The following FLRT2 variants were observed in gnomAD, a reference collection of about 807,000 sequenced individuals.
FLRT2 encodes the protein leucine-rich repeat transmembrane protein FLRT2.
FLRT2 carries 15 observed loss-of-function variants against 40.0 expected under a neutral mutation model. The ratio of observed to expected loss-of-function variants is 0.38; its 90% CI spans 0.25 to 0.58. FLRT2 has a LOEUF of 0.58. Ranked by LOEUF, FLRT2 falls within the 20% of genes least tolerant of loss-of-function variation. The pLI, the probability that FLRT2 is intolerant of heterozygous loss-of-function variation, is 0.71. For synonymous variants in FLRT2, 380 were observed against 336.8 expected (o/e 1.13, Z -1.41); for missense variants, 726 against 840.0 (o/e 0.86, Z 1.68).
At position 85,622,165 on chromosome 14, in the gene FLRT2, C is replaced by G; in HGVS notation, c.651C>G (p.Thr217=). 6.2e-7 allele frequency: 1 copy of G among 1,614,142 alleles called. No homozygotes were observed. Among genetic ancestry groups the G allele is most frequent in the East Asian group, 2.2e-5 (1 of 44,866 alleles). Residue 217 remains threonine, a synonymous_variant, in exon 2 of 2, where the codon ACC becomes ACG. Coordinates refer to ENST00000330753, the MANE Select transcript of FLRT2 (RefSeq NM_013231.6). The part of the protein sequence containing the change: ...ERLIVDGNLL[T]NKGIAEGTFS... ...TTATTGTGGACGGGAACCTCCTGAC[C>G]AACAAGGGTATCGCCGAGGGCACCT...
chr14:85,548,213 C>T (rs936670406), intron 1 of FLRT2, among the ~76,000 whole-genome samples: 3 of 152,180 alleles, frequency 2.0e-5, no homozygotes, highest in Non-Finnish European at 4.4e-5. Flanking sequence ...CTCTGTCTAC[C>T]TCATGTATGC....
Position 85,644,720 on chromosome 14 carries a change from C to T in FLRT2, c.*21223C>T, listed in dbSNP as rs1237412098. 6.6e-6 allele frequency: 1 copy of T among 152,168 alleles called. No individual in the cohort carries two copies. The highest frequency in any genetic ancestry group is 1.5e-5 in the Non-Finnish European group (1 of 68,042). 9.4% of individuals were successfully genotyped at this position (152,168 alleles called of 1,614,324 possible). A position where few individuals can be genotyped will look rare whatever the true frequency, so the allele number is the denominator to read the frequency against. ...CTGCTTCGATACTTTGGATTCAATA[C>T]TTAGTAATCCCTAAAGCTGTGAATT... On this transcript the variant is annotated 3_prime_UTR_variant, in exon 2 of 2. Coordinates refer to ENST00000330753, the MANE Select transcript of FLRT2 (RefSeq NM_013231.6).
rs1367043618 is a variant in FLRT2 at position 85,633,449 on chromosome 14, A to C, written c.*9952A>C. 6.6e-6 allele frequency: 1 copy of C among 152,128 alleles called. No individual in the cohort carries two copies. Among genetic ancestry groups the C allele is most frequent in the African/African-American group, 2.4e-5 (1 of 41,422 alleles). 9.4% of individuals were successfully genotyped at this position (152,128 alleles called of 1,614,324 possible). A position where few individuals can be genotyped will look rare whatever the true frequency, so the allele number is the denominator to read the frequency against. ...AATTAATTCAGAATATGTGGGTGTC[A>C]AAAGAGCCCCAGGAATGAGCATTCA... On this transcript the variant is annotated 3_prime_UTR_variant, in exon 2 of 2. Transcript: ENST00000330753.
intron 1 of FLRT2, among the ~76,000 whole-genome samples, chr14:85,613,296 TGACCC>T (rs1892978764): frequency 6.6e-6 from 1 of 152,160 alleles, no homozygotes; most frequent in Non-Finnish European, 1.5e-5. Context: ...TGTTTCTGAG[TGACCC>T]TATTTCTGCA....
chr14:85,581,903 A>G (rs1193683431), intron 1 of FLRT2, among the ~76,000 whole-genome samples: 2 of 152,182 alleles, frequency 1.3e-5, no homozygotes, highest in Non-Finnish European at 2.9e-5. Flanking sequence ...ATGTGATTCT[A>G]TGTCATTTCA....
intron 1 of FLRT2, among the ~76,000 whole-genome samples, chr14:85,599,630 A>T (rs1311337903): frequency 6.6e-6 from 1 of 152,234 alleles, no homozygotes; most frequent in African/African-American, 2.4e-5. Context: ...AACAAACTTA[A>T]GTTGTACCTT....
chr14:85,559,036 G>T (rs1025966064), intron 1 of FLRT2, among the ~76,000 whole-genome samples: 1 of 152,180 alleles, frequency 6.6e-6, no homozygotes, highest in Non-Finnish European at 1.5e-5. Context: ...GCACATAGAA[G>T]CACATGTGTA....
In FLRT2 at chr14:85,621,531, C is replaced by T. The variant is rs1344069436; in HGVS notation, c.17C>T (p.Thr6Ile). Residue 6 changes from threonine to isoleucine, a missense_variant, in exon 2 of 2, where the codon ACA becomes ATA. Thr to Ile is a moderately conservative substitution (Grantham distance 89). This residue lies in a region of FLRT2 where 106 missense variants were observed against 121.2 expected (regional missense o/e 0.87). Coordinates refer to ENST00000330753, the MANE Select transcript of FLRT2 (RefSeq NM_013231.6). MGLQT[T>I]KWPSHGAFFL... ...ACTTCAGAAATGGGCCTACAGACCA[C>T]AAAGTGGCCCAGCCATGGGGCTTTT... 4 of 1,611,808 alleles carry T rather than the reference C, an allele frequency of 2.5e-6. No individual in the cohort carries two copies. The highest frequency in any genetic ancestry group is 4.5e-5 in the East Asian group (2 of 44,834).
Position 85,635,053 on chromosome 14 carries a change from C to G in FLRT2, c.*11556C>G, listed in dbSNP as rs1041211403. The stretch of plus-strand genomic sequence containing the variant: ...TAGATAAAGCAAACATATAAACACT[C>G]AGTTTCATTGACTTAAGTATAAAGA... On this transcript the variant is annotated 3_prime_UTR_variant, in exon 2 of 2. Coordinates refer to ENST00000330753, the MANE Select transcript of FLRT2 (RefSeq NM_013231.6). 13 of 152,122 alleles carry G rather than the reference C, an allele frequency of 8.5e-5. No homozygotes were observed. Among genetic ancestry groups the G allele is most frequent in the African/African-American group, 2.9e-4 (12 of 41,438 alleles). 9.4% of individuals were successfully genotyped at this position (152,122 alleles called of 1,614,324 possible). A position where few individuals can be genotyped will look rare whatever the true frequency, so the allele number is the denominator to read the frequency against.
In FLRT2 at chr14:85,623,060, GCCT is replaced by G; in HGVS notation, c.1550_1552del (p.Ser517del). On this transcript the variant is annotated inframe_deletion, in exon 2 of 2. Coordinates refer to ENST00000330753, the MANE Select transcript of FLRT2 (RefSeq NM_013231.6). ...CATTTGTTCAGAGGCCACCACCCAT[GCCT>G]CCTATCTGAACAACGGCAGCAACAC... The G allele has an allele frequency of 6.2e-7, 1 of 1,614,170 alleles. No homozygotes were observed. Among genetic ancestry groups the G allele is most frequent in the South Asian group, 1.1e-5 (1 of 91,078 alleles).
intron 1 of FLRT2, among the ~76,000 whole-genome samples, chr14:85,575,006 A>G (rs756218904): frequency 6.6e-6 from 1 of 152,338 alleles, no homozygotes; most frequent in African/African-American, 2.4e-5. Flanking sequence ...ATTCATTTCT[A>G]TTGAAACTGA....
At position 85,641,686 on chromosome 14, in the gene FLRT2, C is replaced by G. The variant is rs1566773908; in HGVS notation, c.*18189C>G. 1 of 152,220 alleles carries G rather than the reference C, an allele frequency of 6.6e-6. No individual in the cohort carries two copies. Among genetic ancestry groups the G allele is most frequent in the Non-Finnish European group, 1.5e-5 (1 of 68,040 alleles). 9.4% of individuals were successfully genotyped at this position (152,220 alleles called of 1,614,324 possible). On this transcript the variant is annotated 3_prime_UTR_variant, in exon 2 of 2. Transcript: ENST00000330753. ...CTGCTTTGAATAAATGGAATAATTT[C>G]TGTTTCCTGCATTTTATCTTGTTGG...
In FLRT2 at chr14:85,550,095, G is replaced by A. The variant is rs149552513; in HGVS notation, c.-377+19561G>A. 1.1e-3 allele frequency among the ~76,000 whole-genome samples: 173 copies of A among 152,020 alleles called. 3 individuals are homozygous for A. Among genetic ancestry groups the A allele is most frequent in the Middle Eastern group, 6.8e-3 (2 of 292 alleles). On this transcript the variant is annotated intron_variant, in intron 1 of 1. Transcript: ENST00000330753. ...CTTCACCTCAAAAACAGCAGGCATCGTGGATTATTGGAAGGGAATTACCCA... is the reference window on the plus strand; with the variant it reads ...CTTCACCTCAAAAACAGCAGGCATCATGGATTATTGGAAGGGAATTACCCA...
chr14:85,578,232 AT>A (rs1159498103), intron 1 of FLRT2, among the ~76,000 whole-genome samples: 2 of 146,532 alleles, frequency 1.4e-5, no homozygotes, highest in Admixed American at 6.9e-5. Flanking sequence ...ATATTTATAT[AT>A]TTTTTATGTA....
chr14:85,594,557 A>G (rs1892046935), intron 1 of FLRT2, among the ~76,000 whole-genome samples: 1 of 152,164 alleles, frequency 6.6e-6, no homozygotes. Context: ...GGTGCTCAAT[A>G]AACAGTTGAG....
Position 85,633,694 on chromosome 14 carries a change from G to C in FLRT2, c.*10197G>C, listed in dbSNP as rs1175640813. The C allele has an allele frequency of 1.3e-5, 2 of 151,778 alleles. No individual in the cohort carries two copies. The highest frequency in any genetic ancestry group is 2.9e-5 in the Non-Finnish European group (2 of 67,988). 9.4% of individuals were successfully genotyped at this position (151,778 alleles called of 1,614,324 possible). A position where few individuals can be genotyped will look rare whatever the true frequency, so the allele number is the denominator to read the frequency against. On this transcript the variant is annotated 3_prime_UTR_variant, in exon 2 of 2. Transcript: ENST00000330753. ...ATGTGCCTATAGTCCCAGCTACTTG[G>C]GAGGTTGAAGCAGGAGGGTCACTTG...
intron 1 of FLRT2, among the ~76,000 whole-genome samples, chr14:85,572,196 T>A (rs1249264609): frequency 2.6e-5 from 4 of 152,300 alleles, no homozygotes; most frequent in Non-Finnish European, 5.9e-5. Flanking sequence ...GATTTCCTTT[T>A]CTCTGCTTAT....
chr14:85,606,952 C>G (rs1476431276), intron 1 of FLRT2, among the ~76,000 whole-genome samples: 1 of 143,644 alleles, frequency 7.0e-6, no homozygotes, highest in Non-Finnish European at 1.5e-5. Flanking sequence ...TTTTTTTTTT[C>G]TAAAGATTGC....
intron 1 of FLRT2, among the ~76,000 whole-genome samples, chr14:85,584,763 G>C (rs186084872): frequency 6.6e-6 from 1 of 152,180 alleles, no homozygotes; most frequent in Non-Finnish European, 1.5e-5. Context: ...CGGTGTGCAT[G>C]TGTGCAGCTG....
Sources: allele counts gnomAD v4.1 joint callset (sites outside exome capture counted in the v4.1 genomes callset), GRCh38; gene constraint gnomAD v4.1.1; regional missense constraint gnomAD v4.1.1; transcripts MANE v1.5; gene names NCBI Gene and HGNC (gene_info 2026-07-23, HGNC 2026-07-21).